PTCD3: variants seen among roughly 807,000 people sequenced by gnomAD.
PTCD3 encodes small ribosomal subunit protein mS39.
Under a neutral mutation model 101.9 loss-of-function variants are expected in PTCD3, and 89 were observed. That is an observed-to-expected ratio of 0.87 (90% CI 0.74 to 1.04). The LOEUF (loss-of-function observed/expected upper bound fraction) is 1.04, where lower values mean the gene tolerates loss of function less well. PTCD3 is among the 50% of genes least tolerant of loss of function. PTCD3 has a pLI of 0.00. For missense variants in PTCD3, 870 were observed against 828.2 expected (o/e 1.05, Z -0.62); for synonymous variants, 296 against 278.5 (o/e 1.06, Z -0.63).
At position 86,133,407 on chromosome 2, in the gene PTCD3, G is replaced by A. The variant is rs199858981; in HGVS notation, c.1514G>A (p.Arg505Gln). Residue 505 changes from arginine to glutamine, a missense_variant, in exon 19 of 24, where the codon CGG becomes CAG. Transcript: ENST00000254630. Reference protein sequence around the residue: ...HLLQALDVANRLEVIPKIWKD... With the variant: ...HLLQALDVANQLEVIPKIWKD... ...CTCCAAGCATTGGATGTGGCCAATCGGCTAGAAGTGATTCCTAAAATTTGG... is the reference window on the plus strand; with the variant it reads ...CTCCAAGCATTGGATGTGGCCAATCAGCTAGAAGTGATTCCTAAAATTTGG... 130 of 1,614,048 alleles carry A rather than the reference G, an allele frequency of 8.1e-5. No homozygotes were observed. The Middle Eastern group carries it at 8.2e-4, about 10-fold the overall frequency.
At chr2:86,111,088 A>T in intron 3 of PTCD3, 25 bp from the exon 4 acceptor site, 6 of 1,605,952 alleles carry the variant, frequency 3.7e-6, no homozygotes, top group Non-Finnish European at 5.1e-6. Flanking sequence ...CCTGATGAGG[A>T]TTAACTTGTG....
At chr2:86,132,098 T>C (rs1446632881) in intron 16 of PTCD3, among the ~76,000 whole-genome samples, 1 of 152,216 alleles carries the variant, frequency 6.6e-6, no homozygotes, top group Non-Finnish European at 1.5e-5. Context: ...TGTTACAGGA[T>C]TAATTTTTAA....
In PTCD3 at chr2:86,106,270, G is replaced by T. The variant is rs757202040; in HGVS notation, c.23G>T (p.Arg8Leu). The change falls in exon 1 of 24, where the codon CGC (arginine) becomes CTC (leucine). Residue 8 changes from arginine to leucine, a missense_variant. Arg to Leu is a moderately radical substitution (Grantham distance 102, BLOSUM62 -2). Coordinates refer to ENST00000254630, the MANE Select transcript of PTCD3 (RefSeq NM_017952.6). Reference protein sequence around the residue: MAVVSAVRWLGLRSRLGQ... With the variant: MAVVSAVLWLGLRSRLGQ... Reference sequence around the variant, plus strand: ...AAGATGGCGGTTGTATCTGCTGTTCGCTGGCTGGGCCTCCGCAGCAGGCTT... The same window carrying T: ...AAGATGGCGGTTGTATCTGCTGTTCTCTGGCTGGGCCTCCGCAGCAGGCTT... 14 of 1,613,826 alleles carry T rather than the reference G, an allele frequency of 8.7e-6. No homozygotes were observed. The highest frequency in any genetic ancestry group is 1.1e-5 in the Non-Finnish European group (13 of 1,179,960).
intron 14 of PTCD3, among the ~76,000 whole-genome samples, chr2:86,128,281 G>A (rs1459171802): frequency 1.7e-5 from 1 of 60,360 alleles, no homozygotes; most frequent in Non-Finnish European, 3.8e-5. Flanking sequence ...TTTTTTTTTT[G>A]GACAGGGTCT....
rs771805986 is a variant in PTCD3 at position 86,135,000 on chromosome 2, C to A, written c.1778+13C>A. 4 of 1,611,106 alleles carry A rather than the reference C, an allele frequency of 2.5e-6. No homozygotes were observed. Among genetic ancestry groups the A allele is most frequent in the Non-Finnish European group, 3.4e-6 (4 of 1,178,116 alleles). Reference sequence around the variant, plus strand: ...CTCAGGAAGCCTGGTGAGTACAGTACCACAAGTATACACTTTAGAAGCTTT... The same window carrying A: ...CTCAGGAAGCCTGGTGAGTACAGTAACACAAGTATACACTTTAGAAGCTTT... On this transcript the variant is annotated intron_variant, in intron 21 of 23. Coordinates refer to ENST00000254630, the MANE Select transcript of PTCD3 (RefSeq NM_017952.6).
rs771928343 is a variant in PTCD3, at chr2:86,117,171, T to C, written c.414+12T>C. 9 of 926,868 alleles carry C rather than the reference T, an allele frequency of 9.7e-6. No individual in the cohort carries two copies. Among genetic ancestry groups the C allele is most frequent in the Non-Finnish European group, 3.5e-6 (2 of 564,366 alleles). The allele number at this position is 926,868 out of a possible 1,614,324, so 57.4% of individuals were successfully genotyped here. A position where few individuals can be genotyped will look rare whatever the true frequency, so the allele number is the denominator to read the frequency against. On this transcript the variant is annotated intron_variant, in intron 6 of 23. Transcript: ENST00000254630. ...AACCTCATATACCGGTAAGGAGAGG[T>C]AGTTACATTATTTACATAATACTAT...
At chr2:86,125,216 C>A in intron 10 of PTCD3, 134 bp downstream of exon 10, 1 of 1,400,940 alleles carries the variant, frequency 7.1e-7, no homozygotes. Flanking sequence ...TAGTAGCTCC[C>A]TGGCTTCTAC....
intron 8 of PTCD3, among the ~76,000 whole-genome samples, chr2:86,122,517 TC>T (rs1352836367): frequency 2.0e-5 from 3 of 148,002 alleles, no homozygotes; most frequent in African/African-American, 7.6e-5. Context: ...GCTCAAGTGT[TC>T]CTCCTTCCTC....
chr2:86,127,943 C>T lies in PTCD3; in HGVS notation c.1099C>T (p.Pro367Ser), dbSNP rs1477857878. The change falls in exon 14 of 24, where the codon CCC (proline) becomes TCC (serine). Residue 367 changes from proline (P) to serine (S), a missense_variant and splice_region_variant. Physicochemically the swap from Pro to Ser is moderately conservative, Grantham distance 74 (BLOSUM62 -1). Coordinates refer to ENST00000254630, the MANE Select transcript of PTCD3 (RefSeq NM_017952.6). Reference sequence around the variant, plus strand: ...TTCTGTCTACCTGGTAATTTGAGAACCCTCGCTTGCAACATATCACCATAT... The same window carrying T: ...TTCTGTCTACCTGGTAATTTGAGAATCCTCGCTTGCAACATATCACCATAT... ...LREMKAIGIE[P>S]SLATYHHIIR... The T allele has an allele frequency of 6.2e-7, 1 of 1,609,026 alleles. No individual in the cohort carries two copies. The highest frequency in any genetic ancestry group is 2.2e-5 in the East Asian group (1 of 44,824).
At chr2:86,118,645 A>T (rs1674222241) in intron 6 of PTCD3, among the ~76,000 whole-genome samples, 1 of 152,246 alleles carries the variant, frequency 6.6e-6, no homozygotes, top group Non-Finnish European at 1.5e-5. Context: ...AGGCATTCAG[A>T]AAGTATTTGA....
At chr2:86,127,417 A>T in intron 13 of PTCD3, 112 bp downstream of exon 13, 2 of 1,303,998 alleles carry the variant, frequency 1.5e-6, no homozygotes, top group South Asian at 1.5e-5. Flanking sequence ...AATATGTTGG[A>T]AATTTTCTTT....
In PTCD3 at chr2:86,111,184, T is replaced by TA. The variant is rs397963648; in HGVS notation, c.240+28dup. The TA allele has an allele frequency of 1.9e-6, 3 of 1,598,772 alleles. No homozygotes were observed. The Admixed American group carries it at 5.0e-5, about 27-fold the overall frequency. ...GTAAGTAGGATTTTGTGTTTTTTTT[T>TA]AACCTAAAACTTGGCTAATAACACA... On this transcript the variant is annotated intron_variant, in intron 4 of 23. Transcript: ENST00000254630.
chr2:86,117,132 G>T lies in PTCD3; in HGVS notation c.387G>T (p.Gln129His). Residue 129 changes from glutamine to histidine, a missense_variant, in exon 6 of 24, where the codon CAG becomes CAT. By Grantham distance (24) the Gln-to-His change is conservative. Transcript: ENST00000254630. ...FIINSYPKYFQKDIAEPHIPC... is the reference protein window; with the variant it reads ...FIINSYPKYFHKDIAEPHIPC... ...TTAATTCATACCCCAAATATTTTCA[G>T]AAGGACATAGCTGAACCTCATATAC... The T allele has an allele frequency of 7.2e-7, 1 of 1,380,134 alleles. No homozygotes were observed. Among genetic ancestry groups the T allele is most frequent in the Non-Finnish European group, 1.0e-6 (1 of 967,156 alleles). The allele number at this position is 1,380,134 out of a possible 1,614,324, so 85.5% of individuals were successfully genotyped here.
At chr2:86,127,534 TGAG>T (rs1390391120) in intron 13 of PTCD3, 6 of 518,566 alleles carry the variant, frequency 1.2e-5, no homozygotes, top group South Asian at 5.9e-5. Flanking sequence ...CTGTTGAATC[TGAG>T]GAGAAGTGAT....
In PTCD3 at chr2:86,106,278, G is replaced by A. The variant is rs140025381; in HGVS notation, c.31G>A (p.Gly11Ser). Residue 11 changes from glycine to serine, a missense_variant, in exon 1 of 24, where the codon GGC (glycine) becomes AGC (serine). By Grantham distance (56) the Gly-to-Ser change is moderately conservative. Coordinates refer to ENST00000254630, the MANE Select transcript of PTCD3 (RefSeq NM_017952.6). MAVVSAVRWL[G>S]LRSRLGQPLT... ...GGTTGTATCTGCTGTTCGCTGGCTG[G>A]GCCTCCGCAGCAGGCTTGGCCAGCC... 1.2e-6 allele frequency: 2 copies of A among 1,613,768 alleles called. No homozygotes were observed. Among genetic ancestry groups the A allele is most frequent in the South Asian group, 2.2e-5 (2 of 91,046 alleles).
At chr2:86,126,792 G>T (rs916355574) in intron 12 of PTCD3, among the ~76,000 whole-genome samples, 1 of 150,214 alleles carries the variant, frequency 6.7e-6, no homozygotes, top group Admixed American at 6.6e-5. Flanking sequence ...AGCCAAGATC[G>T]CACCACTGCA....
intron 12 of PTCD3, among the ~76,000 whole-genome samples, chr2:86,126,728 T>C (rs1019418774): frequency 6.6e-6 from 1 of 151,516 alleles, no homozygotes; most frequent in Non-Finnish European, 1.5e-5. Context: ...TCGCAGCTAC[T>C]CAGGAGGCTG....
intron 17 of PTCD3, 114 bp from the exon 18 acceptor site, chr2:86,133,051 TTAACTTGAAACTG>T: frequency 7.0e-7 from 1 of 1,429,684 alleles, no homozygotes; most frequent in Non-Finnish European, 9.2e-7. Flanking sequence ...ATTGGCTCGT[TTAACTTGAAACTG>T]TAAGTATTTT....
chr2:86,117,663 C>T (rs1198918761), intron 6 of PTCD3, among the ~76,000 whole-genome samples: 1 of 152,058 alleles, frequency 6.6e-6, no homozygotes, highest in Non-Finnish European at 1.5e-5. Context: ...TGTCTCACTG[C>T]ACTGCCCAGG....
Sources: gnomAD v4.1 joint callset for allele counts (sites outside exome capture counted in the v4.1 genomes callset) on GRCh38, gnomAD v4.1.1 for gene constraint, MANE v1.5 for transcripts, NCBI Gene and HGNC (gene_info 2026-07-23, HGNC 2026-07-21) for gene names.